Variants in HHAT observed in about 807,000 individuals in gnomAD.
HHAT encodes hedgehog acyltransferase.
In HHAT, 47 loss-of-function variants were observed where a neutral mutation model predicts 70.8. The observed-to-expected ratio is 0.66, with a 90% confidence interval of 0.53 to 0.85. The LOEUF is 0.85. Ranked by LOEUF, HHAT falls within the 40% of genes least tolerant of loss-of-function variation. The pLI, the probability that HHAT is intolerant of heterozygous loss-of-function variation, is 0.00. For synonymous variants in HHAT, 228 were observed against 247.6 expected, an observed-to-expected ratio of 0.92 and a Z score of 0.74; for missense variants, 609 against 604.8, an observed-to-expected ratio of 1.01 and a Z score of -0.07.
At chr1:210,653,399 G>A (rs1184480219) in intron 11 of HHAT, among the ~76,000 whole-genome samples, 2 of 151,998 alleles carry the variant, frequency 1.3e-5, no homozygotes, top group African/African-American at 4.8e-5. Context: ...GTGCATCCCT[G>A]TGCTCCCAGC....
chr1:210,513,337 C>A (rs907326552), intron 9 of HHAT, 149 bp downstream of exon 9: 22 of 513,836 alleles, frequency 4.3e-5, no homozygotes, highest in Non-Finnish European at 7.5e-5. Flanking sequence ...ATGGTTTTTT[C>A]TGTTTCCCAG....
chr1:210,645,224 A>G (rs919884812), intron 11 of HHAT, among the ~76,000 whole-genome samples: 3 of 152,116 alleles, frequency 2.0e-5, no homozygotes, highest in African/African-American at 7.2e-5. Context: ...TACCTTCCTT[A>G]TTATGGAGAC....
chr1:210,559,003 A>G (rs1463976078), intron 9 of HHAT, among the ~76,000 whole-genome samples: 1 of 152,220 alleles, frequency 6.6e-6, no homozygotes, highest in Non-Finnish European at 1.5e-5. Flanking sequence ...ATTAGATGGT[A>G]TCTAACTTGG....
intron 6 of HHAT, among the ~76,000 whole-genome samples, chr1:210,405,614 G>T (rs368505637): frequency 4.5e-4 from 69 of 152,160 alleles, no homozygotes; most frequent in African/African-American, 1.5e-3. Flanking sequence ...CATGAAAGTT[G>T]CTCCCTGAAA....
intron 3 of HHAT, chr1:210,374,285 C>T (rs1028784253): frequency 1.3e-5 from 2 of 152,180 alleles, no homozygotes; most frequent in Non-Finnish European, 2.9e-5. Flanking sequence ...CAAATTAGTT[C>T]AACTCATTGT....
intron 11 of HHAT, among the ~76,000 whole-genome samples, chr1:210,672,333 C>T (rs1333126056): frequency 1.3e-5 from 2 of 152,238 alleles, no homozygotes; most frequent in Admixed American, 6.5e-5. Context: ...CAGCCTCCTT[C>T]CTATTCCTAC....
At chr1:210,389,365 C>T (rs1257422080) in intron 4 of HHAT, among the ~76,000 whole-genome samples, 1 of 152,174 alleles carries the variant, frequency 6.6e-6, no homozygotes, top group Non-Finnish European at 1.5e-5. Context: ...GTCTCTTTTC[C>T]TCTTCTTATA....
At chr1:210,591,374 T>G (rs1661662937) in intron 10 of HHAT, among the ~76,000 whole-genome samples, 1 of 152,144 alleles carries the variant, frequency 6.6e-6, no homozygotes, top group African/African-American at 2.4e-5. Flanking sequence ...TTGCAAAAGA[T>G]AGGCCCTCAT....
chr1:210,592,786 G>T (rs1339862368), intron 10 of HHAT, among the ~76,000 whole-genome samples: 3 of 151,532 alleles, frequency 2.0e-5, no homozygotes, highest in African/African-American at 7.3e-5. Context: ...TTTATTCATA[G>T]CTATTATAAT....
intron 9 of HHAT, among the ~76,000 whole-genome samples, chr1:210,525,747 A>G (rs6701536): frequency 0.24 from 35,782 of 152,092 alleles, 4,995 homozygotes; most frequent in Middle Eastern, 0.33. Context: ...GTATCTTTTA[A>G]AAAAAATTAA....
At chr1:210,449,374 G>A (rs1407340302) in intron 7 of HHAT, among the ~76,000 whole-genome samples, 2 of 151,100 alleles carry the variant, frequency 1.3e-5, no homozygotes, top group East Asian at 3.9e-4. Flanking sequence ...CTATAAAGTC[G>A]TGCTTCGTGG....
chr1:210,449,510 A>G (rs2093705445), intron 7 of HHAT, among the ~76,000 whole-genome samples: 1 of 152,076 alleles, frequency 6.6e-6, no homozygotes, highest in African/African-American at 2.4e-5. Context: ...TGTCTATGCC[A>G]TTGCTTCAGG....
At chr1:210,665,415 AT>A (rs967371321) in intron 11 of HHAT, among the ~76,000 whole-genome samples, 8 of 152,274 alleles carry the variant, frequency 5.3e-5, no homozygotes, top group Non-Finnish European at 1.2e-4. Context: ...CTGGGGGGAC[AT>A]TACTCTATGG....
chr1:210,540,996 A>G (rs1026338536), intron 9 of HHAT, among the ~76,000 whole-genome samples: 2 of 152,074 alleles, frequency 1.3e-5, no homozygotes, highest in African/African-American at 2.4e-5. Flanking sequence ...GCACGCCGCC[A>G]TGCCCGGCTA....
At chr1:210,587,860 C>T in intron 9 of HHAT, 38 bp from the exon 10 acceptor site, 2 of 1,522,588 alleles carry the variant, frequency 1.3e-6, no homozygotes, top group East Asian at 2.3e-5. Context: ...TGCAGGGCAG[C>T]CCTCTGTATG....
intron 11 of HHAT, among the ~76,000 whole-genome samples, chr1:210,659,695 C>G (rs1174187678): frequency 6.6e-6 from 1 of 152,206 alleles, no homozygotes; most frequent in Non-Finnish European, 1.5e-5. Context: ...CCAAATCCAG[C>G]AGCACATCAA....
chr1:210,482,044 T>TGTA (rs1389402362), intron 8 of HHAT, among the ~76,000 whole-genome samples: 31 of 152,246 alleles, frequency 2.0e-4, no homozygotes, highest in African/African-American at 7.5e-4. Flanking sequence ...CGATAGTTCA[T>TGTA]TCTTTGGTTT....
chr1:210,370,201 A>G (rs2089434740), intron 3 of HHAT, among the ~76,000 whole-genome samples: 1 of 130,642 alleles, frequency 7.7e-6, no homozygotes, highest in East Asian at 2.2e-4. Flanking sequence ...CTGAATGCAG[A>G]GTCTCACTGT....
intron 9 of HHAT, among the ~76,000 whole-genome samples, chr1:210,534,175 G>A (rs1478038265): frequency 6.6e-6 from 1 of 152,198 alleles, no homozygotes; most frequent in Non-Finnish European, 1.5e-5. Context: ...TGCTGAGCAG[G>A]CACCTATGGT....
Sources: allele counts gnomAD v4.1 joint callset (sites outside exome capture counted in the v4.1 genomes callset), GRCh38; gene constraint gnomAD v4.1.1; transcripts MANE v1.5; gene names NCBI Gene and HGNC (gene_info 2026-07-23, HGNC 2026-07-21).